ZFAT: variants seen among roughly 807,000 people sequenced by gnomAD.
ZFAT encodes zinc finger and AT-hook domain containing.
ZFAT carries 64 observed loss-of-function variants against 117.7 expected under a neutral mutation model. The ratio of observed to expected loss-of-function variants is 0.54; its 90% CI spans 0.44 to 0.67. The LOEUF (loss-of-function observed/expected upper bound fraction) is 0.67. Among genes scored for constraint, ZFAT ranks in the 30% least tolerant of loss-of-function variants. The pLI, the probability that ZFAT is intolerant of heterozygous loss-of-function variation, is 0.00. For synonymous variants in ZFAT, 679 were observed against 615.0 expected (o/e 1.10, Z -1.54); for missense variants, 1,433 against 1,584.5 (o/e 0.90, Z 1.62).
At chr8:134,827,545 A>G in the ZFAT span, among the ~76,000 whole-genome samples, 1 of 152,088 alleles carries the variant, frequency 6.6e-6, no homozygotes, top group African/African-American at 2.4e-5. Flanking sequence ...AGGAGGGCGG[A>G]TCACCTGAGG....
At chr8:134,609,001 T>G (rs555337364) in intron 4 of ZFAT, 122 bp from the exon 5 acceptor site, 1 of 1,183,504 alleles carries the variant, frequency 8.4e-7, no homozygotes, top group Admixed American at 3.7e-5. Context: ...CCACGCAAGA[T>G]AGTTTTCACT....
intron 15 of ZFAT, among the ~76,000 whole-genome samples, chr8:134,496,017 C>G (rs1314832331): frequency 6.6e-6 from 1 of 152,194 alleles, no homozygotes; most frequent in African/African-American, 2.4e-5. Flanking sequence ...CAGCACTCAC[C>G]TGCTAAATGG....
intron 2 of ZFAT, among the ~76,000 whole-genome samples, chr8:134,650,653 A>T (rs987882652): frequency 6.6e-6 from 1 of 152,240 alleles, no homozygotes; most frequent in Non-Finnish European, 1.5e-5. Flanking sequence ...TCCCCATTTC[A>T]AAACTTACTA....
intron 11 of ZFAT, 76 bp from the exon 12 acceptor site, chr8:134,533,048 G>C (rs1821549339): frequency 6.5e-7 from 1 of 1,531,700 alleles, no homozygotes; most frequent in Admixed American, 2.0e-5. Context: ...CACCTGGTGA[G>C]CATCTGACAC....
intron 1 of ZFAT, among the ~76,000 whole-genome samples, chr8:134,708,471 A>T (rs948576806): frequency 1.6e-4 from 24 of 152,090 alleles, no homozygotes; most frequent in Non-Finnish European, 3.1e-4. Context: ...TTTTTAATTT[A>T]AAAAAAGATT....
chr8:134,622,134 A>G (rs1829160932), intron 3 of ZFAT, among the ~76,000 whole-genome samples: 1 of 151,968 alleles, frequency 6.6e-6, no homozygotes, highest in South Asian at 2.1e-4. Context: ...TGAAAGTCCT[A>G]CTCAGGCCTG....
At chr8:134,822,956 G>C in the ZFAT span, among the ~76,000 whole-genome samples, 1 of 151,828 alleles carries the variant, frequency 6.6e-6, no homozygotes, top group Admixed American at 6.6e-5. Context: ...AGGAAAATGT[G>C]GGGGAAAAAA....
chr8:134,758,946 A>C, the ZFAT span, among the ~76,000 whole-genome samples: 1 of 152,150 alleles, frequency 6.6e-6, no homozygotes, highest in Non-Finnish European at 1.5e-5. Flanking sequence ...TGTGCCATGA[A>C]TCATGATGGA....
At chr8:134,819,427 A>G in the ZFAT span, among the ~76,000 whole-genome samples, 2 of 151,792 alleles carry the variant, frequency 1.3e-5, no homozygotes, top group African/African-American at 2.4e-5. Context: ...CAAGACATTA[A>G]ATGTATCTGC....
intron 10 of ZFAT, among the ~76,000 whole-genome samples, chr8:134,577,951 T>A (rs191029795): frequency 1.3e-3 from 198 of 152,222 alleles, no homozygotes; most frequent in Non-Finnish European, 1.9e-3. Context: ...TATGGAGACC[T>A]TCCATACGTG....
At chr8:134,482,863 C>T (rs577586231) in intron 15 of ZFAT, among the ~76,000 whole-genome samples, 15 of 152,324 alleles carry the variant, frequency 9.8e-5, no homozygotes, top group African/African-American at 3.6e-4. Context: ...TGTTACTGAG[C>T]GTCCAAGACA....
chr8:134,608,995 G>A (rs1586809436), intron 4 of ZFAT, 116 bp from the exon 5 acceptor site: 11 of 1,242,816 alleles, frequency 8.9e-6, no homozygotes, highest in South Asian at 3.6e-5. Context: ...TGATACCCAC[G>A]CAAGATAGTT....
At chr8:134,514,610 A>T (rs1351393478) in intron 13 of ZFAT, among the ~76,000 whole-genome samples, 1 of 152,202 alleles carries the variant, frequency 6.6e-6, no homozygotes, top group Non-Finnish European at 1.5e-5. Flanking sequence ...ACACTGAGCC[A>T]TGAGGGTTAA....
At chr8:134,820,966 GTGAA>G in the ZFAT span, among the ~76,000 whole-genome samples, 2 of 152,276 alleles carry the variant, frequency 1.3e-5, no homozygotes, top group East Asian at 1.9e-4. Context: ...TGCATATTAA[GTGAA>G]TGAATAATGA....
intron 11 of ZFAT, among the ~76,000 whole-genome samples, chr8:134,555,461 A>G (rs1823504637): frequency 6.6e-6 from 1 of 152,224 alleles, no homozygotes; most frequent in South Asian, 2.1e-4. Context: ...CCAAGCTTGT[A>G]AGCAGGTCTT....
At chr8:134,782,682 T>C in the ZFAT span, among the ~76,000 whole-genome samples, 1 of 152,114 alleles carries the variant, frequency 6.6e-6, no homozygotes, top group African/African-American at 2.4e-5. Context: ...CTTTGCTTGA[T>C]TTTCATTCTC....
chr8:134,503,945 C>T (rs891796063), intron 15 of ZFAT, among the ~76,000 whole-genome samples: 8 of 142,148 alleles, frequency 5.6e-5, no homozygotes, highest in Admixed American at 2.9e-4. Flanking sequence ...CACACGCACA[C>T]GAACACACAC....
chr8:134,523,493 G>C (rs1238416303), intron 12 of ZFAT, among the ~76,000 whole-genome samples: 1 of 152,186 alleles, frequency 6.6e-6, no homozygotes, highest in African/African-American at 2.4e-5. Flanking sequence ...CAGCTCCTAA[G>C]TGCTCTCTCA....
chr8:134,720,992 T>C, the ZFAT span, among the ~76,000 whole-genome samples: 3 of 152,186 alleles, frequency 2.0e-5, no homozygotes, highest in African/African-American at 7.2e-5. Flanking sequence ...CAAAAGGGGC[T>C]GAGGGACTTT....
Sources: allele counts gnomAD v4.1 joint callset (sites outside exome capture counted in the v4.1 genomes callset), GRCh38; gene constraint gnomAD v4.1.1; transcripts MANE v1.5; gene names NCBI Gene and HGNC (gene_info 2026-07-23, HGNC 2026-07-21).